Variants in PRKN observed in about 807,000 individuals in gnomAD.
PRKN encodes parkin RBR E3 ubiquitin protein ligase.
PRKN carries 56 observed loss-of-function variants against 59.5 expected under a neutral mutation model. The observed-to-expected ratio is 0.94, with a 90% CI of 0.76 to 1.18. The LOEUF (loss-of-function observed/expected upper bound fraction) is 1.18, where lower values mean the gene tolerates loss of function less well. Among genes scored for constraint, PRKN ranks in the 50% most tolerant of loss-of-function variants. PRKN has a pLI of 0.00. For synonymous variants in PRKN, 250 were observed against 222.1 expected, an observed-to-expected ratio of 1.13 and a Z score of -1.12; for missense variants, 657 against 596.4, an observed-to-expected ratio of 1.10 and a Z score of -1.06.
intron 1 of PRKN, among the ~76,000 whole-genome samples, chr6:162,596,928 G>A (rs1781515395): frequency 6.6e-6 from 1 of 152,160 alleles, no homozygotes; most frequent in Non-Finnish European, 1.5e-5. Context: ...GAGGGTCACA[G>A]AATATTGGTG....
chr6:162,065,538 C>T (rs372652246), intron 4 of PRKN, among the ~76,000 whole-genome samples: 2 of 151,570 alleles, frequency 1.3e-5, no homozygotes, highest in Non-Finnish European at 2.9e-5. Flanking sequence ...TGCCTTGAAA[C>T]AATTCTTTTC....
chr6:161,703,736 A>G (rs898806550), intron 7 of PRKN, among the ~76,000 whole-genome samples: 3 of 151,168 alleles, frequency 2.0e-5, no homozygotes, highest in African/African-American at 7.3e-5. Context: ...ACCTTAGCAT[A>G]TGAAACTAAA....
At chr6:162,148,860 C>T (rs9355385) in intron 4 of PRKN, among the ~76,000 whole-genome samples, 64,346 of 151,878 alleles carry the variant, frequency 0.42, 16,044 homozygotes, top group Non-Finnish European at 0.56. Context: ...TATAATAAAG[C>T]CTCCTTTTAT....
At chr6:162,542,773 C>A (rs576116666) in intron 1 of PRKN, among the ~76,000 whole-genome samples, 3 of 152,168 alleles carry the variant, frequency 2.0e-5, no homozygotes, top group Non-Finnish European at 4.4e-5. Context: ...GAAGCAAACA[C>A]TGACCATCAC....
chr6:161,729,138 A>G (rs747087159), intron 7 of PRKN, among the ~76,000 whole-genome samples: 1 of 152,230 alleles, frequency 6.6e-6, no homozygotes, highest in Non-Finnish European at 1.5e-5. Context: ...GTAATTCTCA[A>G]ATTCAGCTTA....
rs117316251 is a variant in PRKN at position 161,485,754 on chromosome 6, A to C, written c.1083+63100T>G. The stretch of plus-strand genomic sequence containing the variant: ...AGAAAAACAGAATATTTTAGACTGA[A>C]CTGGGATAATCTGGAGACTTAGAAC... On this transcript the variant is annotated intron_variant, in intron 9 of 11. Transcript: ENST00000366898. 5.4e-3 allele frequency among the ~76,000 whole-genome samples: 823 copies of C among 152,160 alleles called. 9 individuals carry two copies. The highest frequency in any genetic ancestry group is 0.024 in the Middle Eastern group (7 of 290).
intron 1 of PRKN, among the ~76,000 whole-genome samples, chr6:162,650,451 A>G (rs1406867526): frequency 6.6e-6 from 1 of 151,608 alleles, no homozygotes; most frequent in Non-Finnish European, 1.5e-5. Flanking sequence ...ACAAAAAATT[A>G]GCCGGGCGTA....
At chr6:162,653,312 TTGTGTTTGTGTGTGTG>T (rs1221048176) in intron 1 of PRKN, among the ~76,000 whole-genome samples, 1 of 49,670 alleles carries the variant, frequency 2.0e-5, no homozygotes, top group Admixed American at 2.7e-4. Context: ...GAATGGGAGT[TTGTGTTTGTGTGTGTG>T]TGTGTTTGTG....
rs1347857795 is a variant in PRKN, at chr6:161,467,376, T to C, written c.1084-80499A>G. Among the ~76,000 whole-genome samples, 1 of 152,226 alleles carries C rather than the reference T, an allele frequency of 6.6e-6. No individual in the cohort carries two copies. The highest frequency in any genetic ancestry group is 2.4e-5 in the African/African-American group (1 of 41,458). On this transcript the variant is annotated intron_variant, in intron 9 of 11. Transcript: ENST00000366898. This position sits in a 1 kb window ranked among gnomAD's most constrained non-coding sequence, Gnocchi z 4.3. ...CACGATTCTAGCCCTATGGAGTATA[T>C]ACGTTATTAACTGATAAGTTCAGTC...
chr6:162,301,332 T>C (rs1028728542), intron 2 of PRKN, among the ~76,000 whole-genome samples: 3 of 150,824 alleles, frequency 2.0e-5, no homozygotes, highest in Admixed American at 2.0e-4. Flanking sequence ...GACTCAGCAT[T>C]CTTAAACTTC....
intron 4 of PRKN, among the ~76,000 whole-genome samples, chr6:162,105,983 C>T (rs1407408742): frequency 6.6e-6 from 1 of 152,166 alleles, no homozygotes; most frequent in Non-Finnish European, 1.5e-5. Flanking sequence ...ATAATACAAT[C>T]TTATAAACCT....
intron 9 of PRKN, among the ~76,000 whole-genome samples, chr6:161,433,857 A>C (rs1284779944): frequency 2.6e-5 from 4 of 152,050 alleles, no homozygotes; most frequent in African/African-American, 9.7e-5. Flanking sequence ...TCTCTGCTAA[A>C]AATACAAAAA....
chr6:161,480,684 TAAGA>T lies in PRKN; in HGVS notation c.1083+68166_1083+68169del, dbSNP rs1051997385. Among the ~76,000 whole-genome samples, 1 of 152,096 alleles carries T rather than the reference TAAGA, an allele frequency of 6.6e-6. No individual in the cohort carries two copies. The highest frequency in any genetic ancestry group is 2.4e-5 in the African/African-American group (1 of 41,410). On this transcript the variant is annotated intron_variant, in intron 9 of 11. Transcript: ENST00000366898. This position sits in a 1 kb window ranked among gnomAD's most constrained non-coding sequence, Gnocchi z 4.1. Reference sequence around the variant, plus strand: ...CCTAACTGGAACCTTCAATGGAAGGTAAGAAAGAGTTAACGTCTAACCCATTACA... The same window carrying T: ...CCTAACTGGAACCTTCAATGGAAGGTAAGAGTTAACGTCTAACCCATTACA...
chr6:162,700,840 C>G (rs1478797595), intron 1 of PRKN, among the ~76,000 whole-genome samples: 2 of 151,952 alleles, frequency 1.3e-5, no homozygotes, highest in African/African-American at 4.8e-5. Context: ...ATTAAAAATA[C>G]TATACATCCT....
chr6:162,279,813 CTT>C (rs1270040968), intron 2 of PRKN, among the ~76,000 whole-genome samples: 2 of 152,114 alleles, frequency 1.3e-5, no homozygotes, highest in East Asian at 3.9e-4. Context: ...GTCTAAGTCT[CTT>C]TGTAGGCCTC....
At chr6:161,955,883 G>C (rs1159740067) in intron 6 of PRKN, among the ~76,000 whole-genome samples, 1 of 151,970 alleles carries the variant, frequency 6.6e-6, no homozygotes. Context: ...AAATTTCCTT[G>C]GACAGATGAT....
At chr6:161,434,847 TA>T (rs1441636370) in intron 9 of PRKN, among the ~76,000 whole-genome samples, 1 of 152,056 alleles carries the variant, frequency 6.6e-6, no homozygotes, top group Non-Finnish European at 1.5e-5. Context: ...TATTCATCTT[TA>T]AAAATAAAAC....
rs1057292695 is a variant in PRKN, at chr6:161,423,459, G to A, written c.1084-36582C>T. Among the ~76,000 whole-genome samples the A allele has an allele frequency of 2.0e-5, 3 of 152,194 alleles. No homozygotes were observed. Among genetic ancestry groups the A allele is most frequent in the African/African-American group, 7.2e-5 (3 of 41,444 alleles). On this transcript the variant is annotated intron_variant, in intron 9 of 11. Transcript: ENST00000366898. This position sits in a 1 kb window ranked among gnomAD's most constrained non-coding sequence, Gnocchi z 5.9. ...GAACCTTCTGCACGTATTCATGCAT[G>A]AAGAACACACATTTGAACAGGGGCA...
At chr6:161,817,864 C>A (rs1791856781) in intron 6 of PRKN, among the ~76,000 whole-genome samples, 1 of 152,154 alleles carries the variant, frequency 6.6e-6, no homozygotes, top group African/African-American at 2.4e-5. Flanking sequence ...TGCCAAGCTT[C>A]CAGAAAACAC....
Sources: gnomAD v4.1 joint callset for allele counts (sites outside exome capture counted in the v4.1 genomes callset) on GRCh38, gnomAD v4.1.1 for gene constraint, Gnocchi (gnomAD v3.1) non-coding constraint, MANE v1.5 for transcripts, NCBI Gene and HGNC (gene_info 2026-07-23, HGNC 2026-07-21) for gene names.